Variants in EIF3A observed in about 807,000 individuals in gnomAD.
EIF3A encodes the protein EIF3, p180 subunit.
EIF3A carries 21 observed loss-of-function variants against 186.6 expected under a neutral mutation model. That is an observed-to-expected ratio of 0.11 (90% confidence interval 0.08 to 0.16). The LOEUF is 0.16. Among genes scored for constraint, EIF3A ranks in the 10% least tolerant of loss-of-function variants. The pLI, the probability that EIF3A is intolerant of heterozygous loss-of-function variation, is 1.00. For missense variants in EIF3A, 1,306 were observed against 1,796.3 expected (o/e 0.73, Z 4.93); for synonymous variants, 563 against 584.3 (o/e 0.96, Z 0.52).
intron 17 of EIF3A, among the ~76,000 whole-genome samples, chr10:119,047,008 C>G (rs538334945): frequency 6.6e-6 from 1 of 152,138 alleles, no homozygotes; most frequent in African/African-American, 2.4e-5. Flanking sequence ...TGGCTCACGC[C>G]TGTAATCCCA....
rs371876212 is a variant in EIF3A, at chr10:119,042,595, A to G, written c.2925T>C (p.Asp975=). The G allele has an allele frequency of 1.9e-6, 3 of 1,613,846 alleles. No individual in the cohort carries two copies. The highest frequency in any genetic ancestry group is 2.7e-5 in the African/African-American group (2 of 74,900). Residue 975 remains aspartate (D), a synonymous_variant, in exon 19 of 22, where the codon GAT becomes GAC. Coordinates refer to ENST00000369144, the MANE Select transcript of EIF3A (RefSeq NM_003750.4). The surrounding 1 kb of genome is among the most constrained non-coding windows in gnomAD (Gnocchi z 7.8). The part of the protein sequence containing the change: ...DRGPRRGPEE[D]RFSRRGADDD... ...CGTCTGCCCCACGACGAGAGAACCTATCTTCCTCAGGACCACGTCTAGGGC... is the reference window on the plus strand; with the variant it reads ...CGTCTGCCCCACGACGAGAGAACCTGTCTTCCTCAGGACCACGTCTAGGGC...
At chr10:119,039,339 C>A (rs1848177679) in intron 19 of EIF3A, among the ~76,000 whole-genome samples, 1 of 151,992 alleles carries the variant, frequency 6.6e-6, no homozygotes, top group Non-Finnish European at 1.5e-5. Context: ...TTGCTGGTGA[C>A]CTCACTGTTT....
At chr10:119,052,396 G>GTGTGTGTGTGTGTGTGTGTGTGTGTGTA (rs1391760734) in intron 14 of EIF3A, among the ~76,000 whole-genome samples, 6 of 150,216 alleles carry the variant, frequency 4.0e-5, no homozygotes, top group African/African-American at 1.5e-4. Context: ...GTGTGTGTGT[G>GTGTGTGTGTGTGTGTGTGTGTGTGTGTA]TGTTTTAAGA....
intron 14 of EIF3A, 74 bp from the exon 15 acceptor site, chr10:119,051,395 C>A: frequency 1.4e-6 from 2 of 1,422,380 alleles, no homozygotes; most frequent in South Asian, 1.5e-5. Flanking sequence ...CTGAGAAATA[C>A]TCTTGAAAAA....
rs1318482622 is a variant in EIF3A at position 119,042,716 on chromosome 10, T to C, written c.2804A>G (p.Glu935Gly). The change falls in exon 19 of 22, where the codon GAG (glutamate) becomes GGG (glycine). Residue 935 changes from glutamate to glycine, a missense_variant. Physicochemically the swap from Glu to Gly is moderately conservative, Grantham distance 98 (BLOSUM62 -2). Around this residue, in one of 8 missense-constraint regions of EIF3A, gnomAD observed 410 missense variants for 473.5 expected, o/e 0.87. Transcript: ENST00000369144. This position sits in a 1 kb window ranked among gnomAD's most constrained non-coding sequence, Gnocchi z 7.8. ...ATCATCCCCCAGACGCCGGGGCCGCTCTTCATCTCTTCTATGAGACCTGTC... is the reference window on the plus strand; with the variant it reads ...ATCATCCCCCAGACGCCGGGGCCGCCCTTCATCTCTTCTATGAGACCTGTC... ...DEDRSHRRDE[E>G]RPRRLGDDED... 4.3e-6 allele frequency: 7 copies of C among 1,613,640 alleles called. No individual in the cohort carries two copies. Among genetic ancestry groups the C allele is most frequent in the Non-Finnish European group, 2.5e-6 (3 of 1,180,032 alleles).
chr10:119,069,670 T>A lies in EIF3A; in HGVS notation c.742-16A>T. 1 of 1,319,294 alleles carries A rather than the reference T, an allele frequency of 7.6e-7. No individual in the cohort carries two copies. Among genetic ancestry groups the A allele is most frequent in the Non-Finnish European group, 1.1e-6 (1 of 913,162 alleles). 81.7% of individuals were successfully genotyped at this position (1,319,294 alleles called of 1,614,324 possible). A position where few individuals can be genotyped will look rare whatever the true frequency, so the allele number is the denominator to read the frequency against. On this transcript the variant is annotated splice_polypyrimidine_tract_variant and intron_variant, in intron 5 of 21. Coordinates refer to ENST00000369144, the MANE Select transcript of EIF3A (RefSeq NM_003750.4). Reference sequence around the variant, plus strand: ...TGAATGCTTCCTAAAATTAGGAGTATAAATTAAAGTCATTGCATTCTATAA... The same window carrying A: ...TGAATGCTTCCTAAAATTAGGAGTAAAAATTAAAGTCATTGCATTCTATAA...
intron 6 of EIF3A, among the ~76,000 whole-genome samples, chr10:119,066,727 G>A (rs988413221): frequency 1.3e-5 from 2 of 151,996 alleles, no homozygotes; most frequent in Non-Finnish European, 2.9e-5. Flanking sequence ...GGAGCTGAAG[G>A]GCTAGCATCT....
In EIF3A at chr10:119,042,402, G is replaced by T. The variant is rs368710619; in HGVS notation, c.3118C>A (p.Arg1040Ser). Residue 1040 changes from arginine to serine, a missense_variant, in exon 19 of 22, where the codon CGT becomes AGT. By Grantham distance (110) the Arg-to-Ser change is moderately radical. Transcript: ENST00000369144. This position sits in a 1 kb window ranked among gnomAD's most constrained non-coding sequence, Gnocchi z 7.8. ...GGCCCCCGGTCATCATCCATCCCAC[G>T]TCTTGGTCCTCTGTCCTCATCAGCT... Reference protein sequence around the residue: ...RTADEDRGPRRGMDDDRGPRR... With the variant: ...RTADEDRGPRSGMDDDRGPRR... 6.2e-7 allele frequency: 1 copy of T among 1,614,062 alleles called. No individual in the cohort carries two copies. The highest frequency in any genetic ancestry group is 1.1e-5 in the South Asian group (1 of 91,070).
intron 7 of EIF3A, 36 bp downstream of exon 7, chr10:119,065,363 G>C (rs750617297): frequency 1.3e-6 from 2 of 1,509,860 alleles, no homozygotes; most frequent in Non-Finnish European, 9.1e-7. Context: ...AAAGTTTTCT[G>C]CCCAAAGCTA....
chr10:119,046,104 A>C (rs1186153549), intron 17 of EIF3A, among the ~76,000 whole-genome samples: 1 of 152,228 alleles, frequency 6.6e-6, no homozygotes, highest in African/African-American at 2.4e-5. Context: ...AAAGGCCAAA[A>C]AGAAACAAAG....
chr10:119,042,793 T>A lies in EIF3A; in HGVS notation c.2748-21A>T, dbSNP rs1848230251. On this transcript the variant is annotated intron_variant, in intron 18 of 21. Coordinates refer to ENST00000369144, the MANE Select transcript of EIF3A (RefSeq NM_003750.4). This position sits in a 1 kb window ranked among gnomAD's most constrained non-coding sequence, Gnocchi z 7.8. ...ACTCCCTACACAGCAACAAGAACAA[T>A]TAAAAATATATAAAATAAAAAAGCA... 1.3e-6 allele frequency: 2 copies of A among 1,539,978 alleles called. No individual in the cohort carries two copies. Among genetic ancestry groups the A allele is most frequent in the South Asian group, 2.5e-5 (2 of 80,882 alleles).
Position 119,069,582 on chromosome 10 carries a change from T to A in EIF3A, c.814A>T (p.Met272Leu), listed in dbSNP as rs1040220007. Reference sequence around the variant, plus strand: ...GAGACTTTGTTATAGTAATTTGCCATCAACTGAGGTTTAGGTGGTTTTTTA... The same window carrying A: ...GAGACTTTGTTATAGTAATTTGCCAACAACTGAGGTTTAGGTGGTTTTTTA... The part of the protein sequence containing the change: ...LSKKPPKPQL[M>L]ANYYNKVSTV... The change falls in exon 6 of 22, where the codon ATG becomes TTG. Residue 272 changes from methionine to leucine, a missense_variant. Met to Leu is a conservative substitution (Grantham distance 15). Around this residue, in one of 8 missense-constraint regions of EIF3A, gnomAD observed 267 missense variants for 367.8 expected, o/e 0.73. Coordinates refer to ENST00000369144, the MANE Select transcript of EIF3A (RefSeq NM_003750.4). The A allele has an allele frequency of 1.9e-6, 3 of 1,599,864 alleles. No individual in the cohort carries two copies. Among genetic ancestry groups the A allele is most frequent in the Non-Finnish European group, 1.7e-6 (2 of 1,167,008 alleles).
Position 119,066,505 on chromosome 10 carries a change from CAAAAAAAAAAAA to C in EIF3A, c.951-947_951-936del, listed in dbSNP as rs71016533. Among the ~76,000 whole-genome samples, 9 of 47,468 alleles carry C rather than the reference CAAAAAAAAAAAA, an allele frequency of 1.9e-4. No homozygotes were observed. The East Asian group carries it at 3.5e-3, about 18-fold the overall frequency. 31.1% of individuals were successfully genotyped at this position (47,468 alleles called of 152,430 possible). A position where few individuals can be genotyped will look rare whatever the true frequency, so the allele number is the denominator to read the frequency against. ...GCCTGGGGGGCAGAGTTAAGACTGT[CAAAAAAAAAAAA>C]AAAAAAAAAAAAAAAAAAAAAACCT... On this transcript the variant is annotated intron_variant, in intron 6 of 21. Coordinates refer to ENST00000369144, the MANE Select transcript of EIF3A (RefSeq NM_003750.4).
At chr10:119,043,269 A>T (rs1317664178) in intron 18 of EIF3A, among the ~76,000 whole-genome samples, 1 of 152,140 alleles carries the variant, frequency 6.6e-6, no homozygotes, top group Non-Finnish European at 1.5e-5. Context: ...AAATGCAAAA[A>T]TTAGCCAGGC....
intron 14 of EIF3A, among the ~76,000 whole-genome samples, chr10:119,054,651 T>G (rs1050928658): frequency 6.7e-6 from 1 of 148,954 alleles, no homozygotes; most frequent in Admixed American, 6.7e-5. Context: ...TCACTTGAAC[T>G]GGGAGGCGGA....
intron 12 of EIF3A, 89 bp from the exon 13 acceptor site, chr10:119,057,129 A>G: frequency 1.4e-6 from 1 of 702,750 alleles, no homozygotes; most frequent in Non-Finnish European, 2.4e-6. Flanking sequence ...AAAATCCTAC[A>G]TTGCTTTTAT....
Position 119,056,930 on chromosome 10 carries a change from A to C in EIF3A, c.2082+6T>G. On this transcript the variant is annotated splice_donor_region_variant and intron_variant, in intron 13 of 21. Transcript: ENST00000369144. Reference sequence around the variant, plus strand: ...ATGTTAAAGGTTTACCAACCCTTTCATTTACCTTCTTTTCTTGATTCTTTA... The same window carrying C: ...ATGTTAAAGGTTTACCAACCCTTTCCTTTACCTTCTTTTCTTGATTCTTTA... 1 of 1,605,252 alleles carries C rather than the reference A, an allele frequency of 6.2e-7. No individual in the cohort carries two copies. The highest frequency in any genetic ancestry group is 8.5e-7 in the Non-Finnish European group (1 of 1,172,938).
chr10:119,068,760 G>A (rs1844022293), intron 6 of EIF3A, among the ~76,000 whole-genome samples: 1 of 152,042 alleles, frequency 6.6e-6, no homozygotes, highest in Non-Finnish European at 1.5e-5. Context: ...TGGATCATGA[G>A]GTGAGGAGTG....
chr10:119,077,606 G>A (rs567425399), intron 1 of EIF3A, among the ~76,000 whole-genome samples: 86 of 149,610 alleles, frequency 5.7e-4, no homozygotes, highest in African/African-American at 1.7e-3. Flanking sequence ...CCACGCTGGA[G>A]TGCAGTGGCG....
Sources: allele counts gnomAD v4.1 joint callset (sites outside exome capture counted in the v4.1 genomes callset), GRCh38; gene constraint gnomAD v4.1.1; regional missense constraint gnomAD v4.1.1; non-coding constraint Gnocchi (gnomAD v3.1); transcripts MANE v1.5; gene names NCBI Gene and HGNC (gene_info 2026-07-23, HGNC 2026-07-21).